Variants in EIF3L observed in about 807,000 individuals in gnomAD.
EIF3L encodes eukaryotic translation initiation factor 3 subunit L.
EIF3L carries 32 observed loss-of-function variants against 74.6 expected under a neutral mutation model. The observed-to-expected ratio is 0.43, with a 90% CI of 0.32 to 0.58. The LOEUF (loss-of-function observed/expected upper bound fraction) is 0.58, where lower values mean the gene tolerates loss of function less well. Ranked by LOEUF, EIF3L falls within the 20% of genes least tolerant of loss-of-function variation. EIF3L has a pLI of 0.06. For missense variants in EIF3L, 474 were observed against 707.8 expected, an observed-to-expected ratio of 0.67 and a Z score of 3.75; for synonymous variants, 256 against 254.4, an observed-to-expected ratio of 1.01 and a Z score of -0.06.
At position 37,877,847 on chromosome 22, in the gene EIF3L, C is replaced by T; in HGVS notation, c.1251C>T (p.Cys417=). 6.2e-7 allele frequency: 1 copy of T among 1,613,758 alleles called. No individual in the cohort carries two copies. The highest frequency in any genetic ancestry group is 8.5e-7 in the Non-Finnish European group (1 of 1,179,844). The change falls in exon 11 of 13, where the codon TGC becomes TGT. Residue 417 remains cysteine (C), a synonymous_variant. Transcript: ENST00000652021. ...QVYEELFSYS[C]PKFLSPVVPN... ...ATGAAGAACTTTTCAGTTACTCCTG[C>T]CCCAAGTTCCTGTCGCCTGTAGTGC... is the stretch of plus-strand genomic sequence containing the variant.
chr22:37,876,387 G>T (rs950339482), intron 10 of EIF3L: 10 of 143,082 alleles, frequency 7.0e-5, no homozygotes, highest in Non-Finnish European at 1.3e-4. Context: ...TGCAACCTCC[G>T]CTTCCTGGGT....
At chr22:37,869,736 C>T (rs1200391607) in intron 7 of EIF3L, among the ~76,000 whole-genome samples, 1 of 152,104 alleles carries the variant, frequency 6.6e-6, no homozygotes, top group Non-Finnish European at 1.5e-5. Flanking sequence ...AGGGAAGGCT[C>T]ACACGTGCAG....
intron 7 of EIF3L, among the ~76,000 whole-genome samples, chr22:37,866,325 C>A (rs1396244254): frequency 6.6e-6 from 1 of 152,144 alleles, no homozygotes; most frequent in Non-Finnish European, 1.5e-5. Context: ...GATGATGAAC[C>A]TTTGGGTTGT....
rs752994108 is a variant in EIF3L at position 37,888,510 on chromosome 22, A to G, written c.*46A>G. On this transcript the variant is annotated 3_prime_UTR_variant, in exon 13 of 13. Transcript: ENST00000652021. Reference sequence around the variant, plus strand: ...GAACCTGTTTTGATGTATTATAGGCAGGAAGTGTTTTTGCTACCGTGAAAC... The same window carrying G: ...GAACCTGTTTTGATGTATTATAGGCGGGAAGTGTTTTTGCTACCGTGAAAC... The G allele has an allele frequency of 6.2e-7, 1 of 1,603,284 alleles. No homozygotes were observed. Among genetic ancestry groups the G allele is most frequent in the Middle Eastern group, 2.1e-4 (1 of 4,676 alleles).
intron 8 of EIF3L, among the ~76,000 whole-genome samples, chr22:37,872,079 G>A (rs1013181631): frequency 2.0e-5 from 3 of 151,458 alleles, no homozygotes; most frequent in South Asian, 2.1e-4. Context: ...AACGTTATTC[G>A]TCACTTCTGT....
chr22:37,885,438 A>G (rs1927268279), intron 11 of EIF3L: 1 of 152,048 alleles, frequency 6.6e-6, no homozygotes, highest in Admixed American at 6.6e-5. Flanking sequence ...TGTCTTTGGC[A>G]AAGTGCTTCT....
intron 5 of EIF3L, among the ~76,000 whole-genome samples, chr22:37,860,338 C>G (rs1338728867): frequency 6.6e-6 from 1 of 152,158 alleles, no homozygotes; most frequent in Non-Finnish European, 1.5e-5. Flanking sequence ...CAACATACTT[C>G]TTTTTGTTGT....
At chr22:37,852,825 A>G (rs1019598177) in intron 3 of EIF3L, among the ~76,000 whole-genome samples, 2 of 150,612 alleles carry the variant, frequency 1.3e-5, no homozygotes, top group African/African-American at 5.0e-5. Flanking sequence ...ACTTATGACC[A>G]AGAAGAATTG....
chr22:37,863,158 G>A (rs1232406691), intron 6 of EIF3L, 114 bp from the exon 7 acceptor site: 2 of 1,183,344 alleles, frequency 1.7e-6, no homozygotes, highest in Admixed American at 2.3e-5. Flanking sequence ...TGGGAAGAGG[G>A]GAGGTCTTGT....
At chr22:37,874,249 T>G in intron 8 of EIF3L, 121 bp from the exon 9 acceptor site, 1 of 986,286 alleles carries the variant, frequency 1.0e-6, no homozygotes, top group Non-Finnish European at 1.5e-6. Context: ...TATTCCCCAG[T>G]TGTTGAGGGA....
At position 37,849,783 on chromosome 22, in the gene EIF3L, C is replaced by A. The variant is rs1569108312; in HGVS notation, c.34-232C>A. 3 of 609,260 alleles carry A rather than the reference C, an allele frequency of 4.9e-6. No homozygotes were observed. The East Asian group carries it at 8.3e-5, about 17-fold the overall frequency. 37.7% of individuals were successfully genotyped at this position (609,260 alleles called of 1,614,324 possible). On this transcript the variant is annotated intron_variant, in intron 1 of 12. Coordinates refer to ENST00000652021, the MANE Select transcript of EIF3L (RefSeq NM_016091.4). The stretch of plus-strand genomic sequence containing the variant: ...CTAGGCTCCGTCTGGTCAAATCTCG[C>A]TGATTCCCACAGCCTCTTGTCCTTT...
intron 9 of EIF3L, among the ~76,000 whole-genome samples, chr22:37,875,223 A>T (rs1019262828): frequency 6.6e-6 from 1 of 151,708 alleles, no homozygotes; most frequent in South Asian, 2.1e-4. Context: ...ACAAAAAAAA[A>T]AAAAACTAGC....
chr22:37,872,919 GTTA>G (rs1220545723), intron 8 of EIF3L, among the ~76,000 whole-genome samples: 1 of 152,084 alleles, frequency 6.6e-6, no homozygotes, highest in Admixed American at 6.6e-5. Context: ...AACACTGTCA[GTTA>G]TTTTCTTTGA....
chr22:37,873,040 G>C (rs1204523242), intron 8 of EIF3L, among the ~76,000 whole-genome samples: 1 of 151,858 alleles, frequency 6.6e-6, no homozygotes, highest in Non-Finnish European at 1.5e-5. Flanking sequence ...CCAGGCTTGA[G>C]TGCAGTGGCA....
At chr22:37,854,933 G>T (rs1240374340) in intron 3 of EIF3L, among the ~76,000 whole-genome samples, 1 of 152,166 alleles carries the variant, frequency 6.6e-6, no homozygotes, top group Non-Finnish European at 1.5e-5. Context: ...GAGCCATCAT[G>T]CCTGGCCTGT....
intron 8 of EIF3L, 125 bp from the exon 9 acceptor site, chr22:37,874,245 C>T: frequency 1.1e-6 from 1 of 944,034 alleles, no homozygotes; most frequent in South Asian, 1.9e-5. Context: ...AAGTTATTCC[C>T]CAGTTGTTGA....
chr22:37,856,067 AT>A (rs1477747160), intron 4 of EIF3L, among the ~76,000 whole-genome samples: 1 of 150,558 alleles, frequency 6.6e-6, no homozygotes. Context: ...TATTATTATT[AT>A]TTTTTTTGAG....
chr22:37,874,338 C>T, intron 8 of EIF3L, 32 bp from the exon 9 acceptor site: 2 of 1,603,236 alleles, frequency 1.2e-6, no homozygotes, highest in African/African-American at 1.3e-5. Flanking sequence ...TACCTGCCTC[C>T]TATCAGTATT....
At chr22:37,852,775 A>G (rs1925295218) in intron 3 of EIF3L, among the ~76,000 whole-genome samples, 1 of 152,020 alleles carries the variant, frequency 6.6e-6, no homozygotes, top group South Asian at 2.1e-4. Context: ...CAAGCCACCC[A>G]TTAGGTTGAG....
Sources: allele counts gnomAD v4.1 joint callset (sites outside exome capture counted in the v4.1 genomes callset), GRCh38; gene constraint gnomAD v4.1.1; transcripts MANE v1.5; gene names NCBI Gene and HGNC (gene_info 2026-07-23, HGNC 2026-07-21).